Variants in MLLT10 observed in about 807,000 individuals in gnomAD.
MLLT10 encodes the protein protein AF-10.
Under a neutral mutation model 129.1 loss-of-function variants are expected in MLLT10, and 30 were observed. The observed-to-expected ratio is 0.23, with a 90% CI of 0.17 to 0.32. The LOEUF is 0.32. Among genes scored for constraint, MLLT10 ranks in the 10% least tolerant of loss-of-function variants. MLLT10 has a pLI of 1.00. For synonymous variants in MLLT10, 490 were observed against 446.4 expected, an observed-to-expected ratio of 1.10 and a Z score of -1.23; for missense variants, 1,119 against 1,268.3, an observed-to-expected ratio of 0.88 and a Z score of 1.79.
chr10:21,691,881 T>C (rs1478439925), intron 13 of MLLT10, among the ~76,000 whole-genome samples: 1 of 150,840 alleles, frequency 6.6e-6, no homozygotes, highest in Non-Finnish European at 1.5e-5. Context: ...AGGGACTTAA[T>C]AGACTGGGCA....
At chr10:21,738,226 C>T (rs1034405865) in intron 21 of MLLT10, among the ~76,000 whole-genome samples, 1 of 151,772 alleles carries the variant, frequency 6.6e-6, no homozygotes, top group Non-Finnish European at 1.5e-5. Flanking sequence ...GAGAGCACAC[C>T]ACCGCACTCC....
At chr10:21,679,129 T>C (rs1436935554) in intron 11 of MLLT10, among the ~76,000 whole-genome samples, 2 of 152,220 alleles carry the variant, frequency 1.3e-5, no homozygotes, top group African/African-American at 2.4e-5. Context: ...ATTTGTATTA[T>C]GGATTGAAGT....
At chr10:21,653,818 A>G (rs775914043) in intron 9 of MLLT10, among the ~76,000 whole-genome samples, 1 of 152,234 alleles carries the variant, frequency 6.6e-6, no homozygotes, top group Admixed American at 6.5e-5. Flanking sequence ...AGAGGTCTCA[A>G]CTTTGGATAT....
At chr10:21,581,307 A>C (rs1365363504) in intron 3 of MLLT10, among the ~76,000 whole-genome samples, 1 of 152,066 alleles carries the variant, frequency 6.6e-6, no homozygotes, top group Admixed American at 6.6e-5. Flanking sequence ...CGGCCTCCCA[A>C]AGTGCTGAGA....
At chr10:21,671,777 C>T (rs1330582177) in intron 10 of MLLT10, among the ~76,000 whole-genome samples, 3 of 151,848 alleles carry the variant, frequency 2.0e-5, no homozygotes, top group African/African-American at 7.3e-5. Flanking sequence ...AGAGTGAGAC[C>T]CTGTCTCCTT....
intron 2 of MLLT10, among the ~76,000 whole-genome samples, chr10:21,538,405 C>T (rs1038177491): frequency 4.6e-5 from 7 of 151,924 alleles, no homozygotes; most frequent in African/African-American, 4.8e-5. Flanking sequence ...TCAGGTGATC[C>T]GCCTGTCTCA....
chr10:21,646,988 T>C (rs1427114203), intron 8 of MLLT10, among the ~76,000 whole-genome samples: 11 of 152,072 alleles, frequency 7.2e-5, no homozygotes, highest in Admixed American at 7.2e-4. Flanking sequence ...CCTGAGTAGC[T>C]GGGACTACAG....
chr10:21,620,763 T>C (rs970802149), intron 8 of MLLT10, among the ~76,000 whole-genome samples: 1 of 152,114 alleles, frequency 6.6e-6, no homozygotes, highest in Admixed American at 6.5e-5. Context: ...CGATCTTGGC[T>C]CCCTGCAACC....
chr10:21,673,338 TTTA>T lies in MLLT10; in HGVS notation c.1052-11_1052-9del. The stretch of plus-strand genomic sequence containing the variant: ...CCCAACTTTTTTTTTTTTTTTTTTT[TTTA>T]AACTACAGGCAGTTTTTCAGGAACT... On this transcript the variant is annotated splice_polypyrimidine_tract_variant and intron_variant, in intron 10 of 22. Transcript: ENST00000307729. The T allele has an allele frequency of 1.1e-6, 1 of 908,782 alleles. No homozygotes were observed. The allele number at this position is 908,782 out of a possible 1,614,324, so 56.3% of individuals were successfully genotyped here.
At chr10:21,591,803 A>T (rs2042536798) in intron 4 of MLLT10, among the ~76,000 whole-genome samples, 1 of 151,662 alleles carries the variant, frequency 6.6e-6, no homozygotes, top group Non-Finnish European at 1.5e-5. Context: ...GGCTCACTGC[A>T]ACCTCTACCT....
intron 8 of MLLT10, among the ~76,000 whole-genome samples, chr10:21,618,282 G>A (rs897414567): frequency 6.6e-6 from 1 of 152,008 alleles, no homozygotes; most frequent in South Asian, 2.1e-4. Flanking sequence ...GCTGAGGGAG[G>A]TGGAGGAGTT....
At chr10:21,717,749 TTCCTCC>T (rs1173240690) in intron 14 of MLLT10, among the ~76,000 whole-genome samples, 2 of 75,752 alleles carry the variant, frequency 2.6e-5, no homozygotes, top group African/African-American at 5.3e-5. Flanking sequence ...CCTCCTCCTC[TTCCTCC>T]TCCTCCTCCT....
intron 5 of MLLT10, among the ~76,000 whole-genome samples, chr10:21,609,720 A>G (rs540883110): frequency 9.9e-5 from 15 of 152,236 alleles, no homozygotes; most frequent in Non-Finnish European, 1.6e-4. Context: ...ACAAGTGTCC[A>G]TTGTTTTGTT....
intron 21 of MLLT10, 128 bp downstream of exon 21, chr10:21,735,363 C>CCTGTACCA: frequency 1.3e-6 from 1 of 746,810 alleles, no homozygotes; most frequent in Non-Finnish European, 2.2e-6. Flanking sequence ...GTTTTTCTTG[C>CCTGTACCA]CATGTGGTAC....
At position 21,617,452 on chromosome 10, in the gene MLLT10, A is replaced by G. The variant is rs115690128; in HGVS notation, c.699+245A>G. ...TGAAAGCATGAGGGAAATTTCTTGC[A>G]TGTGTTACTGTGGTCATCTTGCGAA... On this transcript the variant is annotated intron_variant, in intron 8 of 22. Coordinates refer to ENST00000307729, the MANE Select transcript of MLLT10 (RefSeq NM_001195626.3). 2.6e-3 allele frequency among the ~76,000 whole-genome samples: 402 copies of G among 152,300 alleles called. 1 individual carries two copies. The highest frequency in any genetic ancestry group is 9.2e-3 in the African/African-American group (382 of 41,566).
intron 14 of MLLT10, among the ~76,000 whole-genome samples, chr10:21,725,446 C>A (rs1037036642): frequency 6.6e-6 from 1 of 152,088 alleles, no homozygotes; most frequent in East Asian, 1.9e-4. Context: ...TGGCCAGGCG[C>A]GGTGGCTCAC....
In MLLT10 at chr10:21,743,326, T is replaced by G. The variant is rs1833904570; in HGVS notation, c.*1343T>G. 4.5e-6 allele frequency: 1 copy of G among 220,434 alleles called. No individual in the cohort carries two copies. Among genetic ancestry groups the G allele is most frequent in the Non-Finnish European group, 9.1e-6 (1 of 109,832 alleles). 13.7% of individuals were successfully genotyped at this position (220,434 alleles called of 1,614,324 possible). ...TAAAGTTTTGTGAATCTGTTTTGTA[T>G]TGTGACAAATTCATAAGATAACATT... On this transcript the variant is annotated 3_prime_UTR_variant, in exon 23 of 23. Coordinates refer to ENST00000307729, the MANE Select transcript of MLLT10 (RefSeq NM_001195626.3).
At chr10:21,731,339 G>A (rs1386839188) in intron 17 of MLLT10, among the ~76,000 whole-genome samples, 3 of 151,804 alleles carry the variant, frequency 2.0e-5, no homozygotes, top group Admixed American at 6.6e-5. Flanking sequence ...GAGTAATAAT[G>A]CACCCATATC....
intron 21 of MLLT10, among the ~76,000 whole-genome samples, chr10:21,736,349 A>G (rs575585027): frequency 6.6e-6 from 1 of 152,312 alleles, no homozygotes; most frequent in South Asian, 2.1e-4. Context: ...CAGTGGCACA[A>G]TCTGGGCTCC....
Sources: gnomAD v4.1 joint callset for allele counts (sites outside exome capture counted in the v4.1 genomes callset) on GRCh38, gnomAD v4.1.1 for gene constraint, MANE v1.5 for transcripts, NCBI Gene and HGNC (gene_info 2026-07-23, HGNC 2026-07-21) for gene names.